Variants in C1orf21 observed in about 807,000 individuals in gnomAD.
The protein encoded by C1orf21 is chromosome 1 open reading frame 21.
Under a neutral mutation model 18.7 loss-of-function variants are expected in C1orf21, and 3 were observed. That is an observed-to-expected ratio of 0.16 (90% CI 0.07 to 0.42). The LOEUF is 0.42. C1orf21 is among the 10% of genes least tolerant of loss of function. The pLI is 0.99. For synonymous variants in C1orf21, 41 were observed against 46.4 expected, an observed-to-expected ratio of 0.88 and a Z score of 0.47; for missense variants, 104 against 143.6, an observed-to-expected ratio of 0.72 and a Z score of 1.41.
At chr1:184,389,088 T>G (rs1655932048) in intron 1 of C1orf21, among the ~76,000 whole-genome samples, 1 of 152,142 alleles carries the variant, frequency 6.6e-6, no homozygotes, top group Non-Finnish European at 1.5e-5. Flanking sequence ...GTTAAACCAA[T>G]GCTGGGACTG....
intron 3 of C1orf21, chr1:184,566,822 CAA>C: frequency 2.1e-6 from 1 of 468,436 alleles, no homozygotes; most frequent in Non-Finnish European, 4.3e-6. Context: ...TGAAATTTTA[CAA>C]AGACTAGAGT....
intron 3 of C1orf21, among the ~76,000 whole-genome samples, chr1:184,581,165 G>A (rs1659269554): frequency 6.6e-6 from 1 of 152,160 alleles, no homozygotes; most frequent in African/African-American, 2.4e-5. Flanking sequence ...GGTGGCTCAC[G>A]CCTGTAATCC....
chr1:184,389,930 C>T (rs1471708210), intron 1 of C1orf21, among the ~76,000 whole-genome samples: 1 of 152,194 alleles, frequency 6.6e-6, no homozygotes, highest in Non-Finnish European at 1.5e-5. Context: ...ATACAACTTA[C>T]AGCCATATAA....
At chr1:184,567,155 G>C in intron 3 of C1orf21, 1 of 475,486 alleles carries the variant, frequency 2.1e-6, no homozygotes, top group South Asian at 1.7e-5. Flanking sequence ...TCATGAAGGT[G>C]GTTACTGGTG....
intron 2 of C1orf21, among the ~76,000 whole-genome samples, chr1:184,503,288 A>T (rs1658005178): frequency 6.6e-6 from 1 of 152,026 alleles, no homozygotes; most frequent in African/African-American, 2.4e-5. Context: ...ACTTTCTACT[A>T]GTGAGGACAG....
chr1:184,523,796 A>G (rs1658339855), intron 3 of C1orf21, among the ~76,000 whole-genome samples: 1 of 152,210 alleles, frequency 6.6e-6, no homozygotes, highest in Non-Finnish European at 1.5e-5. Context: ...GTGAAATGCC[A>G]TTTGAATATG....
intron 2 of C1orf21, among the ~76,000 whole-genome samples, chr1:184,480,043 A>G (rs1329509225): frequency 6.6e-6 from 1 of 152,214 alleles, no homozygotes; most frequent in Non-Finnish European, 1.5e-5. Flanking sequence ...AGGACTTTGT[A>G]AGAAGATAAG....
At chr1:184,588,488 G>A (rs1659389983) in intron 3 of C1orf21, among the ~76,000 whole-genome samples, 1 of 152,132 alleles carries the variant, frequency 6.6e-6, no homozygotes, top group Admixed American at 6.5e-5. Flanking sequence ...CATGGAGTTT[G>A]GGGCCAAACT....
rs77812745 is a variant in C1orf21, at chr1:184,458,242, C to T, written c.-124-19144C>T. 4.7e-3 allele frequency among the ~76,000 whole-genome samples: 713 copies of T among 152,260 alleles called. 7 individuals are homozygous for T. Among genetic ancestry groups the T allele is most frequent in the African/African-American group, 0.016 (684 of 41,544 alleles). ...AGCTTTGGACCAGGTATTTAAGGGG[C>T]TGGATAACTGATTCCGGTGGGGGAA... On this transcript the variant is annotated intron_variant, in intron 1 of 5. Coordinates refer to ENST00000235307, the MANE Select transcript of C1orf21 (RefSeq NM_030806.4).
chr1:184,595,123 T>C (rs1659495358), intron 4 of C1orf21, among the ~76,000 whole-genome samples: 1 of 152,194 alleles, frequency 6.6e-6, no homozygotes, highest in Non-Finnish European at 1.5e-5. Flanking sequence ...TTTTCCAAGG[T>C]TGTTTTAGTT....
At position 184,546,546 on chromosome 1, in the gene C1orf21, A is replaced by G. The variant is rs143489711; in HGVS notation, c.189+38864A>G. 7.5e-3 allele frequency among the ~76,000 whole-genome samples: 1,149 copies of G among 152,328 alleles called. 6 individuals carry two copies. Among genetic ancestry groups the G allele is most frequent in the Middle Eastern group, 0.02 (6 of 294 alleles). The stretch of plus-strand genomic sequence containing the variant: ...GGTTACTGCCCTAATGGATCTTACC[A>G]TCTAATGGGAAACTCTGATACCACT... On this transcript the variant is annotated intron_variant, in intron 3 of 5. Transcript: ENST00000235307.
intron 2 of C1orf21, among the ~76,000 whole-genome samples, chr1:184,490,192 G>A (rs773849359): frequency 1.3e-5 from 2 of 152,186 alleles, no homozygotes; most frequent in African/African-American, 4.8e-5. Context: ...AGAAGCACTC[G>A]TTGACTACCT....
At chr1:184,571,008 G>A (rs1489758018) in intron 3 of C1orf21, among the ~76,000 whole-genome samples, 1 of 152,112 alleles carries the variant, frequency 6.6e-6, no homozygotes, top group African/African-American at 2.4e-5. Context: ...AAAAGGTACG[G>A]TAAGGCCGGG....
chr1:184,480,105 C>G (rs1452832387), intron 2 of C1orf21, among the ~76,000 whole-genome samples: 1 of 152,066 alleles, frequency 6.6e-6, no homozygotes, highest in Non-Finnish European at 1.5e-5. Context: ...AAAGACATAC[C>G]TCATGATAAC....
intron 1 of C1orf21, among the ~76,000 whole-genome samples, chr1:184,426,019 G>A (rs1656631762): frequency 6.6e-6 from 1 of 152,202 alleles, no homozygotes. Flanking sequence ...CCAGATTTAT[G>A]TACTCAGCAG....
chr1:184,555,901 G>A (rs548012456), intron 3 of C1orf21, among the ~76,000 whole-genome samples: 1 of 152,258 alleles, frequency 6.6e-6, no homozygotes, highest in South Asian at 2.1e-4. Context: ...AGGCCATCTG[G>A]ACAAAAGGGA....
Position 184,593,271 on chromosome 1 carries a change from T to TTGTGTG in C1orf21, c.266+2474_266+2479dup, listed in dbSNP as rs55802126. On this transcript the variant is annotated intron_variant, in intron 4 of 5. Transcript: ENST00000235307. The stretch of plus-strand genomic sequence containing the variant: ...TTCTGTTTTCCCCACAGCAGCATGC[T>TTGTGTG]TGTGTGTGTGTGTGTGTGTGTGTAC... Among the ~76,000 whole-genome samples the TTGTGTG allele has an allele frequency of 4.5e-3, 675 of 149,790 alleles. 1 individual carries two copies. The highest frequency in any genetic ancestry group is 6.8e-3 in the Non-Finnish European group (456 of 67,204).
At chr1:184,561,485 C>T (rs943836115) in intron 3 of C1orf21, among the ~76,000 whole-genome samples, 1 of 152,194 alleles carries the variant, frequency 6.6e-6, no homozygotes, top group Non-Finnish European at 1.5e-5. Flanking sequence ...AGGACATACT[C>T]AGATCATGTG....
chr1:184,410,654 T>TTATATATATATATA (rs1656331595), intron 1 of C1orf21, among the ~76,000 whole-genome samples: 1 of 7,544 alleles, frequency 1.3e-4, no homozygotes, highest in African/African-American at 1.9e-3. Flanking sequence ...TATATATATA[T>TTATATATATATATA]ATATATATAT....
Sources: allele counts gnomAD v4.1 joint callset (sites outside exome capture counted in the v4.1 genomes callset), GRCh38; gene constraint gnomAD v4.1.1; transcripts MANE v1.5; gene names NCBI Gene and HGNC (gene_info 2026-07-23, HGNC 2026-07-21).